HHAT: variants seen among roughly 807,000 people sequenced by gnomAD.
The protein encoded by HHAT is hedgehog acyltransferase.
Under a neutral mutation model 70.8 loss-of-function variants are expected in HHAT, and 47 were observed. The ratio of observed to expected loss-of-function variants is 0.66; its 90% confidence interval spans 0.53 to 0.85. The LOEUF (loss-of-function observed/expected upper bound fraction) is 0.85. HHAT is among the 40% of genes least tolerant of loss of function. HHAT has a pLI of 0.00. For synonymous variants in HHAT, 228 were observed against 247.6 expected (o/e 0.92, Z 0.74); for missense variants, 609 against 604.8 (o/e 1.01, Z -0.07).
chr1:210,612,918 T>A (rs575981879), intron 10 of HHAT, among the ~76,000 whole-genome samples: 2 of 152,344 alleles, frequency 1.3e-5, no homozygotes, highest in Admixed American at 1.3e-4. Context: ...TTGTATATCT[T>A]CTTTGGATAA....
intron 3 of HHAT, chr1:210,374,379 ATTCTT>A (rs1416443012): frequency 6.6e-6 from 1 of 152,250 alleles, no homozygotes; most frequent in Non-Finnish European, 1.5e-5. Flanking sequence ...CACAAAAAGA[ATTCTT>A]TAATCTTCCC....
At chr1:210,460,346 T>G (rs1281981353) in intron 7 of HHAT, among the ~76,000 whole-genome samples, 2 of 152,168 alleles carry the variant, frequency 1.3e-5, no homozygotes, top group Non-Finnish European at 1.5e-5. Context: ...TAAAGTTTAT[T>G]TTTATGCCTA....
upstream of HHAT, among the ~76,000 whole-genome samples, chr1:210,328,067 C>T (rs777415410): frequency 1.3e-5 from 2 of 152,204 alleles, no homozygotes; most frequent in Non-Finnish European, 2.9e-5. Context: ...GAGAGCACAG[C>T]TTCCGAGTTT....
At chr1:210,497,959 G>A (rs2094682326) in intron 8 of HHAT, among the ~76,000 whole-genome samples, 1 of 151,958 alleles carries the variant, frequency 6.6e-6, no homozygotes. Context: ...AGAGGCTAAT[G>A]TTGGCCAGGA....
intron 7 of HHAT, among the ~76,000 whole-genome samples, chr1:210,453,341 G>A (rs1448894958): frequency 6.6e-6 from 1 of 152,104 alleles, no homozygotes; most frequent in East Asian, 1.9e-4. Flanking sequence ...AAGCTACTCT[G>A]GGATTTACTA....
At chr1:210,458,616 C>T (rs1194419223) in intron 7 of HHAT, among the ~76,000 whole-genome samples, 1 of 151,986 alleles carries the variant, frequency 6.6e-6, no homozygotes, top group African/African-American at 2.4e-5. Context: ...GACCTCTAGG[C>T]AGAGAAATTG....
intron 8 of HHAT, among the ~76,000 whole-genome samples, chr1:210,510,046 C>T (rs2094928138): frequency 6.6e-6 from 1 of 152,102 alleles, no homozygotes; most frequent in Admixed American, 6.6e-5. Flanking sequence ...TGGATAATTT[C>T]CTGGCTATTA....
In HHAT at chr1:210,672,498, G is replaced by T. The variant is rs937844739; in HGVS notation, c.1391-1790G>T. On this transcript the variant is annotated intron_variant, in intron 11 of 11. Coordinates refer to ENST00000261458, the MANE Select transcript of HHAT (RefSeq NM_018194.6). ...TCAGCCCACGTGGCCCAGTTTAAAT[G>T]TGCTCTGTGCATTCCATCATCTAGT... Among the ~76,000 whole-genome samples, 10 of 152,314 alleles carry T rather than the reference G, an allele frequency of 6.6e-5. No individual in the cohort carries two copies. In the East Asian group the frequency reaches 1.9e-3, roughly 29 times the overall value.
At chr1:210,512,410 C>T (rs144067970) in intron 8 of HHAT, among the ~76,000 whole-genome samples, 2 of 151,912 alleles carry the variant, frequency 1.3e-5, no homozygotes, top group African/African-American at 2.4e-5. Flanking sequence ...TGCGGTGGCT[C>T]ACACCTGTAA....
At chr1:210,406,866 G>A (rs1477527267) in intron 6 of HHAT, among the ~76,000 whole-genome samples, 1 of 152,092 alleles carries the variant, frequency 6.6e-6, no homozygotes, top group Non-Finnish European at 1.5e-5. Flanking sequence ...TAGGGGCCAG[G>A]TATAGACACT....
chr1:210,477,226 C>T (rs1043791379), intron 8 of HHAT, among the ~76,000 whole-genome samples: 1 of 152,104 alleles, frequency 6.6e-6, no homozygotes, highest in Non-Finnish European at 1.5e-5. Context: ...GTGCTCAAAC[C>T]ATATAAAGGC....
chr1:210,499,254 G>A (rs1001149727), intron 8 of HHAT, among the ~76,000 whole-genome samples: 2 of 152,128 alleles, frequency 1.3e-5, no homozygotes, highest in African/African-American at 2.4e-5. Flanking sequence ...CCCCACACCT[G>A]CCTATGCTGC....
intron 9 of HHAT, among the ~76,000 whole-genome samples, chr1:210,556,442 T>C (rs2095573529): frequency 6.6e-6 from 1 of 152,216 alleles, no homozygotes; most frequent in Non-Finnish European, 1.5e-5. Flanking sequence ...AATGCACACA[T>C]GTCCACCCTG....
At chr1:210,334,198 T>TTTTTG (rs2085271937) in intron 1 of HHAT, among the ~76,000 whole-genome samples, 1 of 146,590 alleles carries the variant, frequency 6.8e-6, no homozygotes, top group African/African-American at 2.6e-5. Flanking sequence ...TTTTTTTTTT[T>TTTTTG]GAGAAAGGGT....
In HHAT at chr1:210,502,748, A is replaced by C. The variant is rs1186896040; in HGVS notation, c.1008-10405A>C. On this transcript the variant is annotated intron_variant, in intron 8 of 11. Transcript: ENST00000261458. Reference sequence around the variant, plus strand: ...TTAAAGTTCTACTGAAGTACTAATTATTATTTTCTTAATAGACAACAACTT... The same window carrying C: ...TTAAAGTTCTACTGAAGTACTAATTCTTATTTTCTTAATAGACAACAACTT... Among the ~76,000 whole-genome samples the C allele has an allele frequency of 2.0e-5, 3 of 152,318 alleles. No homozygotes were observed. In the East Asian group the frequency reaches 5.8e-4, roughly 29 times the overall value.
intron 9 of HHAT, among the ~76,000 whole-genome samples, chr1:210,573,550 T>C (rs1165454446): frequency 1.3e-5 from 2 of 152,180 alleles, no homozygotes; most frequent in African/African-American, 4.8e-5. Flanking sequence ...TAAGGTCCCA[T>C]ATGTTAAATA....
intron 7 of HHAT, among the ~76,000 whole-genome samples, chr1:210,463,243 T>C (rs1197040221): frequency 1.3e-5 from 2 of 152,028 alleles, no homozygotes; most frequent in African/African-American, 2.4e-5. Flanking sequence ...TATCTACAGA[T>C]ATGATTCACC....
rs559591304 is a variant in HHAT, at chr1:210,332,912, G to C, written c.-44+3808G>C. Among the ~76,000 whole-genome samples the C allele has an allele frequency of 2.0e-5, 3 of 152,328 alleles. No individual in the cohort carries two copies. In the South Asian group the frequency reaches 6.2e-4, roughly 32 times the overall value. ...TTGGGTCTTCCCCCTTTTCAAAGAAGCTTACCAGTGATGTTTGTTTTTTAC... is the reference window on the plus strand; with the variant it reads ...TTGGGTCTTCCCCCTTTTCAAAGAACCTTACCAGTGATGTTTGTTTTTTAC... On this transcript the variant is annotated intron_variant, in intron 1 of 11. Coordinates refer to ENST00000261458, the MANE Select transcript of HHAT (RefSeq NM_018194.6).
chr1:210,471,344 A>T (rs1012010875), intron 8 of HHAT, among the ~76,000 whole-genome samples: 2 of 152,034 alleles, frequency 1.3e-5, no homozygotes, highest in African/African-American at 4.8e-5. Flanking sequence ...TAGAAAGAAG[A>T]GTGTTTGCCT....
Sources: gnomAD v4.1 joint callset for allele counts (sites outside exome capture counted in the v4.1 genomes callset) on GRCh38, gnomAD v4.1.1 for gene constraint, MANE v1.5 for transcripts, NCBI Gene and HGNC (gene_info 2026-07-23, HGNC 2026-07-21) for gene names.